The following PHC2 variants were observed in gnomAD, a reference collection of about 807,000 sequenced individuals.
PHC2 encodes the protein polyhomeotic homolog 2, also known as polyhomeotic-like protein 2.
Under a neutral mutation model 87.4 loss-of-function variants are expected in PHC2, and 29 were observed. That is an observed-to-expected ratio of 0.33 (90% CI 0.25 to 0.45). The LOEUF (loss-of-function observed/expected upper bound fraction) is 0.45. PHC2 is among the 20% of genes least tolerant of loss of function. The pLI, the probability that PHC2 is intolerant of heterozygous loss-of-function variation, is 1.00. For missense variants in PHC2, 857 were observed against 1,136.7 expected, an observed-to-expected ratio of 0.75 and a Z score of 3.54; for synonymous variants, 438 against 461.7, an observed-to-expected ratio of 0.95 and a Z score of 0.66.
chr1:33,379,101 A>G (rs574475695), intron 1 of PHC2, among the ~76,000 whole-genome samples: 1 of 151,934 alleles, frequency 6.6e-6, no homozygotes, highest in South Asian at 2.1e-4. Context: ...GGAGCATGGC[A>G]TTCCTTTACA....
intron 9 of PHC2, chr1:33,346,452 C>G: frequency 1.0e-6 from 1 of 984,078 alleles, no homozygotes; most frequent in Non-Finnish European, 1.2e-6. Flanking sequence ...TCCCTACTCT[C>G]GTCTCCAGTA....
At chr1:33,430,809 C>T (rs1650884731) in intron 1 of PHC2, among the ~76,000 whole-genome samples, 167 bp downstream of exon 1, 1 of 150,260 alleles carries the variant, frequency 6.7e-6, no homozygotes, top group South Asian at 2.1e-4. Flanking sequence ...CCTGTCCGTG[C>T]CCATGGCAAT....
chr1:33,344,183 C>A (rs535556203), intron 9 of PHC2, among the ~76,000 whole-genome samples: 68 of 152,286 alleles, frequency 4.5e-4, no homozygotes, highest in African/African-American at 1.6e-3. Flanking sequence ...AAAATAAACC[C>A]AGTTTAAGAT....
At chr1:33,425,600 T>C (rs1650637256) in intron 1 of PHC2, among the ~76,000 whole-genome samples, 2 of 152,192 alleles carry the variant, frequency 1.3e-5, no homozygotes, top group African/African-American at 4.8e-5. Context: ...AAAAGCAAGC[T>C]GGGAAATGCC....
At position 33,402,094 on chromosome 1, in the gene PHC2, A is replaced by T. The variant is rs534428975; in HGVS notation, c.-54-26501T>A. Among the ~76,000 whole-genome samples, 270 of 152,264 alleles carry T rather than the reference A, an allele frequency of 1.8e-3. 2 individuals are homozygous for T. Among genetic ancestry groups the T allele is most frequent in the African/African-American group, 6.1e-3 (253 of 41,520 alleles). On this transcript the variant is annotated intron_variant, in intron 1 of 14. Transcript: ENST00000683057. ...AGAGAATTTGCATCAAAAATATTTT[A>T]AAAATACCTATAACTCAAAAGTAAA...
chr1:33,325,889 CG>C (rs1557814217), intron 14 of PHC2: 2 of 456,582 alleles, frequency 4.4e-6, no homozygotes, highest in South Asian at 3.1e-5. Context: ...CTGTGGAAAG[CG>C]TGAGTGTCTA....
At chr1:33,375,890 T>A (rs554244866) in intron 1 of PHC2, among the ~76,000 whole-genome samples, 6 of 152,222 alleles carry the variant, frequency 3.9e-5, no homozygotes, top group Non-Finnish European at 7.3e-5. Context: ...TATGCAAATG[T>A]TATGCTACTT....
intron 1 of PHC2, among the ~76,000 whole-genome samples, chr1:33,410,598 G>GA (rs1297096785): frequency 6.6e-6 from 1 of 152,146 alleles, no homozygotes; most frequent in African/African-American, 2.4e-5. Context: ...TCATCTGCTT[G>GA]ATTCAATTTT....
chr1:33,404,142 T>C (rs1212836478), intron 1 of PHC2, among the ~76,000 whole-genome samples: 1 of 152,214 alleles, frequency 6.6e-6, no homozygotes, highest in African/African-American at 2.4e-5. Context: ...CCTGTTAAAA[T>C]TGAAACTCAT....
At chr1:33,408,427 C>A (rs1305330053) in intron 1 of PHC2, among the ~76,000 whole-genome samples, 2 of 148,674 alleles carry the variant, frequency 1.3e-5, no homozygotes, top group African/African-American at 5.1e-5. Flanking sequence ...AGATTAGATA[C>A]CCTTTCTGTT....
At chr1:33,379,607 T>G (rs373995860) in intron 1 of PHC2, among the ~76,000 whole-genome samples, 1 of 148,286 alleles carries the variant, frequency 6.7e-6, no homozygotes, top group African/African-American at 2.5e-5. Context: ...CTCACACCTG[T>G]GCCCATGCTC....
At chr1:33,395,308 G>T (rs1649247982) in intron 1 of PHC2, among the ~76,000 whole-genome samples, 1 of 152,240 alleles carries the variant, frequency 6.6e-6, no homozygotes. Flanking sequence ...GTGGGGAATG[G>T]CTGGGAAGGG....
At position 33,343,468 on chromosome 1, in the gene PHC2, C is replaced by CAAAA. The variant is rs71006394; in HGVS notation, c.1559-9180_1559-9177dup. 1.4e-3 allele frequency among the ~76,000 whole-genome samples: 84 copies of CAAAA among 59,728 alleles called. 1 individual carries two copies. Among genetic ancestry groups the CAAAA allele is most frequent in the East Asian group, 7.0e-3 (12 of 1,724 alleles). 39.2% of individuals were successfully genotyped at this position (59,728 alleles called of 152,430 possible). Reference sequence around the variant, plus strand: ...CTGGCAACAGAGCAAGACTCTGTCTCAAAAAAAAAAAAAAAAAAAAAAAGA... The same window carrying CAAAA: ...CTGGCAACAGAGCAAGACTCTGTCTCAAAAAAAAAAAAAAAAAAAAAAAAAAAGA... On this transcript the variant is annotated intron_variant, in intron 9 of 14. Transcript: ENST00000683057.
At chr1:33,327,552 G>A (rs1206771496) in intron 14 of PHC2, among the ~76,000 whole-genome samples, 1 of 152,154 alleles carries the variant, frequency 6.6e-6, no homozygotes, top group African/African-American at 2.4e-5. Flanking sequence ...ACTGACCTGT[G>A]TGACCCATAA....
chr1:33,391,926 T>G (rs560997981), intron 1 of PHC2, among the ~76,000 whole-genome samples: 2 of 152,064 alleles, frequency 1.3e-5, no homozygotes, highest in South Asian at 4.2e-4. Context: ...GAGGCTCTAG[T>G]GTAAGGGCAG....
In PHC2 at chr1:33,332,490, A is replaced by G. The variant is rs113525648; in HGVS notation, c.1762-86T>C. On this transcript the variant is annotated intron_variant, in intron 10 of 14. Transcript: ENST00000683057. The surrounding 1 kb of genome is among the most constrained non-coding windows in gnomAD (Gnocchi z 4.2). ...ATCCTCATCACAATTACACGTATAA[A>G]GTATCCAGGCACAGAGGCCAGCCCT... 343 of 1,507,618 alleles carry G rather than the reference A, an allele frequency of 2.3e-4. 4 individuals carry two copies. In the African/African-American group the frequency reaches 3.9e-3, roughly 17 times the overall value. 93.4% of individuals were successfully genotyped at this position (1,507,618 alleles called of 1,614,324 possible). A position where few individuals can be genotyped will look rare whatever the true frequency, so the allele number is the denominator to read the frequency against.
Position 33,372,299 on chromosome 1 carries a change from G to C in PHC2, c.323C>G (p.Ala108Gly). Residue 108 changes from alanine (A) to glycine (G), a missense_variant, in exon 3 of 15, where the codon GCC (alanine) becomes GGC (glycine). By Grantham distance (60) the Ala-to-Gly change is moderately conservative. Around this residue, in one of 3 missense-constraint regions of PHC2, gnomAD observed 832 missense variants for 1,081.8 expected, o/e 0.77. Coordinates refer to ENST00000683057, the MANE Select transcript of PHC2 (RefSeq NM_001385109.1). ...LSSAQLQSLA[A>G]VQQASLVSNR... ...CTTCCCAAGTCTCACCTGCTGTACGGCTGCCAGGCTCTGGAGCTGGGCGCT... is the reference window on the plus strand; with the variant it reads ...CTTCCCAAGTCTCACCTGCTGTACGCCTGCCAGGCTCTGGAGCTGGGCGCT... 1 of 1,567,524 alleles carries C rather than the reference G, an allele frequency of 6.4e-7. No homozygotes were observed. The highest frequency in any genetic ancestry group is 8.7e-7 in the Non-Finnish European group (1 of 1,151,908).
At chr1:33,352,766 G>T (rs1259742405) in intron 9 of PHC2, among the ~76,000 whole-genome samples, 1 of 152,128 alleles carries the variant, frequency 6.6e-6, no homozygotes, top group Non-Finnish European at 1.5e-5. Context: ...AGTTCACGGG[G>T]GCCATTCGTG....
chr1:33,372,972 T>C (rs1256168988), intron 2 of PHC2, among the ~76,000 whole-genome samples: 1 of 152,222 alleles, frequency 6.6e-6, no homozygotes, highest in African/African-American at 2.4e-5. Flanking sequence ...AATGCCTCCT[T>C]CTTGAGGCTG....
Sources: gnomAD v4.1 joint callset for allele counts (sites outside exome capture counted in the v4.1 genomes callset) on GRCh38, gnomAD v4.1.1 for gene constraint, gnomAD v4.1.1 regional missense constraint, Gnocchi (gnomAD v3.1) non-coding constraint, MANE v1.5 for transcripts, NCBI Gene and HGNC (gene_info 2026-07-23, HGNC 2026-07-21) for gene names.